LYPLA1: variants seen among roughly 807,000 people sequenced by gnomAD.
LYPLA1 encodes acyl-protein thioesterase 1.
Under a neutral mutation model 34.0 loss-of-function variants are expected in LYPLA1, and 17 were observed. The observed-to-expected ratio is 0.50, with a 90% CI of 0.34 to 0.75. LYPLA1 has a LOEUF of 0.75. Ranked by LOEUF, LYPLA1 falls within the 30% of genes least tolerant of loss-of-function variation. The pLI is 0.01. For synonymous variants in LYPLA1, 98 were observed against 100.8 expected, an observed-to-expected ratio of 0.97 and a Z score of 0.17; for missense variants, 203 against 288.8, an observed-to-expected ratio of 0.70 and a Z score of 2.15.
intron 8 of LYPLA1, among the ~76,000 whole-genome samples, chr8:54,049,639 T>G (rs538307943): frequency 1.4e-4 from 22 of 152,360 alleles, no homozygotes; most frequent in African/African-American, 5.3e-4. Context: ...GACTTAATTC[T>G]ATTCTATGAT....
chr8:54,095,976 T>A (rs1809652762), intron 2 of LYPLA1, among the ~76,000 whole-genome samples: 1 of 152,198 alleles, frequency 6.6e-6, no homozygotes. Context: ...CCTAGACTGA[T>A]AAAGGACATT....
chr8:54,044,551 CAA>C (rs1805436127), downstream of LYPLA1, among the ~76,000 whole-genome samples: 1 of 152,000 alleles, frequency 6.6e-6, no homozygotes, highest in Non-Finnish European at 1.5e-5. Flanking sequence ...CCAAAACAGG[CAA>C]GTTTCCCTCC....
intron 2 of LYPLA1, among the ~76,000 whole-genome samples, chr8:54,090,871 A>T (rs897136414): frequency 6.6e-6 from 1 of 152,026 alleles, no homozygotes; most frequent in African/African-American, 2.4e-5. Flanking sequence ...ATTTGATCTG[A>T]CAGTTTTATA....
chr8:54,084,995 CTCCTCT>C (rs112007550), intron 2 of LYPLA1, among the ~76,000 whole-genome samples: 18,944 of 151,720 alleles, frequency 0.12, 3,101 homozygotes, highest in African/African-American at 0.39. Context: ...CCTCCTCTCC[CTCCTCT>C]TCCTCTCCCT....
intron 6 of LYPLA1, among the ~76,000 whole-genome samples, chr8:54,053,935 A>G (rs1167462637): frequency 2.0e-5 from 3 of 152,178 alleles, no homozygotes; most frequent in Non-Finnish European, 4.4e-5. Context: ...GTAATGAATG[A>G]ATATCAAATA....
At chr8:54,085,791 C>T (rs1235580822) in intron 2 of LYPLA1, among the ~76,000 whole-genome samples, 18 of 135,670 alleles carry the variant, frequency 1.3e-4, no homozygotes, top group South Asian at 4.7e-4. Flanking sequence ...CCCGGCCAGC[C>T]GCCCCGTCCG....
rs747385257 is a variant in LYPLA1 at position 54,101,815 on chromosome 8, G to A, written c.9C>T (p.Gly3=). The A allele has an allele frequency of 3.9e-6, 5 of 1,283,726 alleles. No homozygotes were observed. The Admixed American group carries it at 1.0e-4, about 26-fold the overall frequency. The allele number at this position is 1,283,726 out of a possible 1,614,324, so 79.5% of individuals were successfully genotyped here. A position where few individuals can be genotyped will look rare whatever the true frequency, so the allele number is the denominator to read the frequency against. Residue 3 remains glycine, a synonymous_variant, in exon 1 of 9, where the codon GGC becomes GGT. Coordinates refer to ENST00000316963, the MANE Select transcript of LYPLA1 (RefSeq NM_006330.4). The stretch of plus-strand genomic sequence containing the variant: ...CGGGCAGCGGGGTTGACATGTTATT[G>A]CCGCACATACACCGCCTCAGCTCAC... MC[G]NNMSTPLPAI... is the part of the protein sequence containing the mutation.
intron 2 of LYPLA1, among the ~76,000 whole-genome samples, chr8:54,081,806 T>C (rs935185271): frequency 6.6e-6 from 1 of 151,534 alleles, no homozygotes; most frequent in African/African-American, 2.4e-5. Context: ...CTTGGCTCAC[T>C]GCAATCTCCG....
intron 5 of LYPLA1, among the ~76,000 whole-genome samples, chr8:54,060,826 G>A (rs1338312395): frequency 1.3e-5 from 2 of 151,072 alleles, no homozygotes; most frequent in Admixed American, 1.3e-4. Flanking sequence ...CTGAGTAACT[G>A]GGATTACAGG....
At chr8:54,095,665 T>C (rs962979209) in intron 2 of LYPLA1, among the ~76,000 whole-genome samples, 1 of 152,040 alleles carries the variant, frequency 6.6e-6, no homozygotes, top group South Asian at 2.1e-4. Context: ...AATACCCCTA[T>C]AGTGTTACTG....
chr8:54,061,530 T>C (rs1305006456), intron 5 of LYPLA1, among the ~76,000 whole-genome samples: 1 of 152,210 alleles, frequency 6.6e-6, no homozygotes. Context: ...AGTGAGTCCA[T>C]GCGGACACTG....
intron 8 of LYPLA1, among the ~76,000 whole-genome samples, chr8:54,049,117 A>C (rs1182563325): frequency 2.0e-5 from 3 of 152,242 alleles, no homozygotes; most frequent in African/African-American, 7.2e-5. Context: ...CCCTAGGTTC[A>C]GGTTCCCAGG....
chr8:54,067,891 G>A (rs1807191512), intron 2 of LYPLA1, among the ~76,000 whole-genome samples: 1 of 151,742 alleles, frequency 6.6e-6, no homozygotes, highest in Non-Finnish European at 1.5e-5. Context: ...GTTTTACTGT[G>A]TTAGCCAGGA....
intron 2 of LYPLA1, among the ~76,000 whole-genome samples, chr8:54,084,124 G>GGAAAAAA (rs1554547911): frequency 1.1e-3 from 62 of 56,226 alleles, no homozygotes; most frequent in African/African-American, 5.1e-3. Flanking sequence ...GGAGACCAAA[G>GGAAAAAA]AAAAAAAAAA....
intron 2 of LYPLA1, among the ~76,000 whole-genome samples, chr8:54,087,235 T>C (rs4737479): frequency 0.2 from 30,442 of 152,186 alleles, 4,349 homozygotes; most frequent in East Asian, 0.74. Context: ...TTCTATACAC[T>C]AGCAATGAAC....
intron 2 of LYPLA1, among the ~76,000 whole-genome samples, chr8:54,098,337 C>CGT (rs1428640478): frequency 6.6e-6 from 1 of 152,070 alleles, no homozygotes; most frequent in Non-Finnish European, 1.5e-5. Context: ...AGGAATGATT[C>CGT]GTGTCCTGGG....
rs1476506966 is a variant in LYPLA1 at position 54,051,183 on chromosome 8, A to T, written c.468T>A (p.Pro156=). 6.3e-7 allele frequency: 1 copy of T among 1,596,364 alleles called. No homozygotes were observed. The highest frequency in any genetic ancestry group is 1.3e-5 in the African/African-American group (1 of 74,094). ...LPLRASFPQG[P]IGGANRDISI... ...AAATATCTCTATTAGCACCACCGAT[A>T]GGACCCTGCAAAAAGCAAAAGAAGA... Residue 156 remains proline, a synonymous_variant, in exon 8 of 9, where the codon CCT becomes CCA. Transcript: ENST00000316963.
chr8:54,087,123 G>C (rs1808855203), intron 2 of LYPLA1, among the ~76,000 whole-genome samples: 2 of 152,152 alleles, frequency 1.3e-5, no homozygotes, highest in African/African-American at 2.4e-5. Context: ...AGTATCTTAT[G>C]ATCTTATATA....
At chr8:54,057,165 A>ATTAGTAG (rs1204315959) in intron 5 of LYPLA1, among the ~76,000 whole-genome samples, 1 of 152,232 alleles carries the variant, frequency 6.6e-6, no homozygotes, top group Non-Finnish European at 1.5e-5. Flanking sequence ...GGGAATGTAA[A>ATTAGTAG]TTAGTACAAC....
Sources: gnomAD v4.1 joint callset for allele counts (sites outside exome capture counted in the v4.1 genomes callset) on GRCh38, gnomAD v4.1.1 for gene constraint, MANE v1.5 for transcripts, NCBI Gene and HGNC (gene_info 2026-07-23, HGNC 2026-07-21) for gene names.